Variants in PNLIPRP1 observed in about 807,000 individuals in gnomAD.
PNLIPRP1 encodes pancreatic lipase related protein 1.
In PNLIPRP1, 57 loss-of-function variants were observed where a neutral mutation model predicts 54.6. The ratio of observed to expected loss-of-function variants is 1.04; its 90% CI spans 0.84 to 1.30. The LOEUF is 1.30. PNLIPRP1 is among the 50% of genes most tolerant of loss of function. PNLIPRP1 has a pLI of 0.00. For synonymous variants in PNLIPRP1, 232 were observed against 208.8 expected, an observed-to-expected ratio of 1.11 and a Z score of -0.96; for missense variants, 567 against 568.5, an observed-to-expected ratio of 1.00 and a Z score of 0.03.
chr10:116,596,154 C>T (rs1374558164), intron 5 of PNLIPRP1, 60 bp from the exon 6 acceptor site: 2 of 1,129,374 alleles, frequency 1.8e-6, no homozygotes, highest in African/African-American at 1.5e-5. Flanking sequence ...ATCCATTAGG[C>T]TGGCATTTTA....
intron 10 of PNLIPRP1, among the ~76,000 whole-genome samples, chr10:116,601,915 G>A (rs1292365538): frequency 6.6e-6 from 1 of 152,104 alleles, no homozygotes; most frequent in Non-Finnish European, 1.5e-5. Flanking sequence ...AATGCACGCT[G>A]TTTAGCATAC....
intron 6 of PNLIPRP1, among the ~76,000 whole-genome samples, chr10:116,597,095 CTCTCT>C (rs1274276362): frequency 6.6e-6 from 1 of 152,130 alleles, no homozygotes; most frequent in Non-Finnish European, 1.5e-5. Flanking sequence ...TATAAGAAAT[CTCTCT>C]TTTATTTTCA....
intron 9 of PNLIPRP1, 41 bp from the exon 10 acceptor site, chr10:116,601,031 C>T (rs1323855771): frequency 1.3e-6 from 2 of 1,575,282 alleles, no homozygotes; most frequent in African/African-American, 1.4e-5. Flanking sequence ...ATCATACAAA[C>T]ACAAATTCTC....
At chr10:116,607,114 T>C (rs1554865657) in intron 12 of PNLIPRP1, among the ~76,000 whole-genome samples, 2 of 152,050 alleles carry the variant, frequency 1.3e-5, no homozygotes, top group African/African-American at 4.8e-5. Flanking sequence ...TATTTTTTAG[T>C]AACCTCATTG....
chr10:116,600,357 T>TG (rs1303949208), intron 9 of PNLIPRP1, 192 bp downstream of exon 9: 31 of 494,630 alleles, frequency 6.3e-5, no homozygotes, highest in African/African-American at 4.8e-4. Context: ...TTAGATGACA[T>TG]GAGTTATGTG....
At chr10:116,597,146 T>G (rs979301748) in intron 6 of PNLIPRP1, among the ~76,000 whole-genome samples, 5 of 152,202 alleles carry the variant, frequency 3.3e-5, no homozygotes, top group Non-Finnish European at 5.9e-5. Flanking sequence ...TTTTATCAGC[T>G]GCTGTAATGA....
chr10:116,596,125 T>G (rs896998644), intron 5 of PNLIPRP1, 89 bp from the exon 6 acceptor site: 3 of 861,622 alleles, frequency 3.5e-6, no homozygotes, highest in Non-Finnish European at 5.7e-6. Context: ...GCATGGAAGG[T>G]TTTCAGCAGA....
At chr10:116,594,946 G>T in intron 5 of PNLIPRP1, 82 bp downstream of exon 5, 1 of 1,498,182 alleles carries the variant, frequency 6.7e-7, no homozygotes. Context: ...TGAGAGTTAT[G>T]GATTAAAGAA....
chr10:116,594,300 C>A (rs1847694805), intron 4 of PNLIPRP1: 1 of 509,658 alleles, frequency 2.0e-6, no homozygotes, highest in Non-Finnish European at 3.9e-6. Context: ...AGTGAAACTT[C>A]TCTCTCACTT....
chr10:116,609,046 T>G lies in PNLIPRP1; in HGVS notation c.1341-7T>G. The stretch of plus-strand genomic sequence containing the variant: ...CAAACTCTTACAAAGCTTCCTTTTC[T>G]CCCCAGGTACAACTTCTGTAGCGAA... On this transcript the variant is annotated splice_region_variant and splice_polypyrimidine_tract_variant and intron_variant, in intron 12 of 12. Coordinates refer to ENST00000358834, the MANE Select transcript of PNLIPRP1 (RefSeq NM_006229.4). 6.8e-6 allele frequency: 11 copies of G among 1,607,650 alleles called. No homozygotes were observed. Among genetic ancestry groups the G allele is most frequent in the Non-Finnish European group, 8.5e-6 (10 of 1,174,060 alleles).
At chr10:116,605,335 A>T in intron 11 of PNLIPRP1, 51 bp from the exon 12 acceptor site, 1 of 1,098,558 alleles carries the variant, frequency 9.1e-7, no homozygotes, top group Non-Finnish European at 1.3e-6. Flanking sequence ...ATTGTATGGT[A>T]ATTAGAACTC....
chr10:116,598,587 G>C (rs1179183392), intron 8 of PNLIPRP1, among the ~76,000 whole-genome samples: 1 of 152,222 alleles, frequency 6.6e-6, no homozygotes, highest in African/African-American at 2.4e-5. Context: ...TCAGTAGCTA[G>C]AATGAGAATA....
chr10:116,608,929 A>C (rs797033477), intron 12 of PNLIPRP1, 124 bp from the exon 13 acceptor site: 7 of 774,496 alleles, frequency 9.0e-6, no homozygotes, highest in African/African-American at 8.5e-5. Context: ...TCACTCATCA[A>C]CTGTGACCTG....
rs1554863325 is a variant in PNLIPRP1 at position 116,592,396 on chromosome 10, C to A, written c.205-20C>A. The A allele has an allele frequency of 6.3e-7, 1 of 1,577,270 alleles. No homozygotes were observed. Among genetic ancestry groups the A allele is most frequent in the Non-Finnish European group, 8.6e-7 (1 of 1,159,558 alleles). ...GAGGCTGGGCTGCGAAAACATGAAGCACTTCTGCGTCTGTCACAGATTCTC... is the reference window on the plus strand; with the variant it reads ...GAGGCTGGGCTGCGAAAACATGAAGAACTTCTGCGTCTGTCACAGATTCTC... On this transcript the variant is annotated intron_variant, in intron 3 of 12. Transcript: ENST00000358834.
intron 6 of PNLIPRP1, among the ~76,000 whole-genome samples, 173 bp from the exon 7 acceptor site, chr10:116,597,655 C>A (rs1319053882): frequency 6.6e-6 from 1 of 152,208 alleles, no homozygotes; most frequent in Admixed American, 6.5e-5. Context: ...TGCAATGAGC[C>A]ACATTCAGAC....
intron 11 of PNLIPRP1, among the ~76,000 whole-genome samples, chr10:116,604,944 C>T (rs1303178571): frequency 6.6e-6 from 1 of 152,064 alleles, no homozygotes; most frequent in Admixed American, 6.5e-5. Context: ...CCACCCATCT[C>T]GGCCTCTCAA....
chr10:116,602,655 T>C (rs1847866910), intron 10 of PNLIPRP1, among the ~76,000 whole-genome samples: 1 of 152,218 alleles, frequency 6.6e-6, no homozygotes, highest in East Asian at 1.9e-4. Context: ...TCAAGGTCTC[T>C]GAAGACACGA....
chr10:116,604,147 C>T lies in PNLIPRP1; in HGVS notation c.1172+9C>T, dbSNP rs1554865232. On this transcript the variant is annotated intron_variant, in intron 11 of 12. Transcript: ENST00000358834. ...CAGTACAGTATCTTCAGGTAATTTC[C>T]TATTTTAACACTACGTCTCATTTGA... The T allele has an allele frequency of 2.1e-6, 3 of 1,429,630 alleles. No individual in the cohort carries two copies. Among genetic ancestry groups the T allele is most frequent in the Non-Finnish European group, 2.0e-6 (2 of 1,012,292 alleles). The allele number at this position is 1,429,630 out of a possible 1,614,324, so 88.6% of individuals were successfully genotyped here. A position where few individuals can be genotyped will look rare whatever the true frequency, so the allele number is the denominator to read the frequency against.
At chr10:116,596,037 T>C (rs1273852835) in intron 5 of PNLIPRP1, 177 bp from the exon 6 acceptor site, 1 of 608,108 alleles carries the variant, frequency 1.6e-6, no homozygotes, top group Non-Finnish European at 3.0e-6. Context: ...CTGAAGAGTC[T>C]AGAAAAATAG....
Sources: allele counts gnomAD v4.1 joint callset (sites outside exome capture counted in the v4.1 genomes callset), GRCh38; gene constraint gnomAD v4.1.1; transcripts MANE v1.5; gene names NCBI Gene and HGNC (gene_info 2026-07-23, HGNC 2026-07-21).